Variants in CPLX4 observed in about 807,000 individuals in gnomAD.
CPLX4 encodes complexin-4.
CPLX4 carries 17 observed loss-of-function variants against 16.1 expected under a neutral mutation model. That is an observed-to-expected ratio of 1.06 (90% CI 0.72 to 1.59). The LOEUF is 1.59. Ranked by LOEUF, CPLX4 falls within the 40% of genes most tolerant of loss-of-function variation. The pLI, the probability that CPLX4 is intolerant of heterozygous loss-of-function variation, is 0.00. For missense variants in CPLX4, 193 were observed against 192.9 expected, an observed-to-expected ratio of 1.00 and a Z score of 0.00; for synonymous variants, 55 against 57.8, an observed-to-expected ratio of 0.95 and a Z score of 0.22.
chr18:59,314,635 A>G (rs1312358001), intron 1 of CPLX4, among the ~76,000 whole-genome samples: 2 of 152,180 alleles, frequency 1.3e-5, no homozygotes, highest in Non-Finnish European at 2.9e-5. Flanking sequence ...CTCACCTGGG[A>G]AAATTCCCCC....
At chr18:59,300,872 G>C (rs1283862184) in intron 2 of CPLX4, among the ~76,000 whole-genome samples, 1 of 152,202 alleles carries the variant, frequency 6.6e-6, no homozygotes, top group African/African-American at 2.4e-5. Context: ...TTTCTAACAA[G>C]CCAGGCTTAG....
At chr18:59,307,591 T>G (rs1007651442) in intron 2 of CPLX4, among the ~76,000 whole-genome samples, 6 of 152,040 alleles carry the variant, frequency 3.9e-5, no homozygotes, top group Non-Finnish European at 5.9e-5. Flanking sequence ...TCTCCTCTCC[T>G]TCCCTCCAGT....
Position 59,296,880 on chromosome 18 carries a change from C to G in CPLX4, c.301G>C (p.Asp101His). ...ATTTTCCGGAGATCTTCAGGTAAATCCACATCATCTCCAGCCATCTGGATT... is the reference window on the plus strand; with the variant it reads ...ATTTTCCGGAGATCTTCAGGTAAATGCACATCATCTCCAGCCATCTGGATT... ...NQIQMAGDDVDLPEDLRKMVD... is the reference protein window; with the variant it reads ...NQIQMAGDDVHLPEDLRKMVD... Residue 101 changes from aspartate (D) to histidine (H), a missense_variant, in exon 3 of 3, where the codon GAT becomes CAT. By Grantham distance (81) the Asp-to-His change is moderately conservative. Coordinates refer to ENST00000299721, the MANE Select transcript of CPLX4 (RefSeq NM_181654.4). 6.2e-7 allele frequency: 1 copy of G among 1,613,294 alleles called. No homozygotes were observed. The highest frequency in any genetic ancestry group is 8.5e-7 in the Non-Finnish European group (1 of 1,179,918).
At chr18:59,310,494 G>A (rs1189915207) in intron 2 of CPLX4, among the ~76,000 whole-genome samples, 1 of 152,164 alleles carries the variant, frequency 6.6e-6, no homozygotes, top group African/African-American at 2.4e-5. Flanking sequence ...TTTACCATTA[G>A]TGGAGAAACA....
At chr18:59,312,916 G>C (rs2070627442) in intron 1 of CPLX4, 144 bp from the exon 2 acceptor site, 2 of 514,066 alleles carry the variant, frequency 3.9e-6, no homozygotes, top group Non-Finnish European at 6.9e-6. Flanking sequence ...TTTTTTCCTA[G>C]GTCCCCAAAC....
rs575721114 is a variant in CPLX4, at chr18:59,318,647, G to A, written c.-185C>T. The stretch of plus-strand genomic sequence containing the variant: ...GAGAAGAGTGGTTTGTCGGCCGTAA[G>A]CTGGATTAAAGTGGTGAACTCCTTA... On this transcript the variant is annotated 5_prime_UTR_variant, in exon 1 of 3. Transcript: ENST00000299721. The A allele has an allele frequency of 6.3e-5, 73 of 1,156,962 alleles. No individual in the cohort carries two copies. In the African/African-American group the frequency reaches 7.1e-4, roughly 11 times the overall value. The allele number at this position is 1,156,962 out of a possible 1,614,324, so 71.7% of individuals were successfully genotyped here. A position where few individuals can be genotyped will look rare whatever the true frequency, so the allele number is the denominator to read the frequency against.
In CPLX4 at chr18:59,316,257, G is replaced by GCGCACA. The variant is rs142801615; in HGVS notation, c.167+2038_167+2039insTGTGCG. 4.8e-3 allele frequency among the ~76,000 whole-genome samples: 729 copies of GCGCACA among 151,048 alleles called. 11 individuals carry two copies. Among genetic ancestry groups the GCGCACA allele is most frequent in the African/African-American group, 0.016 (658 of 41,246 alleles). On this transcript the variant is annotated intron_variant, in intron 1 of 2. Coordinates refer to ENST00000299721, the MANE Select transcript of CPLX4 (RefSeq NM_181654.4). Reference sequence around the variant, plus strand: ...TACTAATGTTACCAGTGGTGCGTGCGCACACACACACACACACATTGAACA... The same window carrying GCGCACA: ...TACTAATGTTACCAGTGGTGCGTGCGCGCACACACACACACACACACACATTGAACA...
chr18:59,309,799 G>T (rs1175562238), intron 2 of CPLX4, among the ~76,000 whole-genome samples: 1 of 142,944 alleles, frequency 7.0e-6, no homozygotes, highest in Non-Finnish European at 1.5e-5. Context: ...CTCCAGCCTG[G>T]GTGACAGAGT....
chr18:59,310,947 C>CGTGT (rs56041362), intron 2 of CPLX4, among the ~76,000 whole-genome samples: 10,704 of 143,516 alleles, frequency 0.075, 521 homozygotes, highest in East Asian at 0.16. Context: ...CCCAGCCAAT[C>CGTGT]GTGTGTGTGT....
chr18:59,311,951 C>G (rs915854126), intron 2 of CPLX4, among the ~76,000 whole-genome samples: 6 of 152,184 alleles, frequency 3.9e-5, no homozygotes, highest in African/African-American at 1.4e-4. Context: ...TACATTATTC[C>G]CCAAACCAGC....
chr18:59,303,914 G>A (rs1407441510), intron 2 of CPLX4, among the ~76,000 whole-genome samples: 3 of 152,192 alleles, frequency 2.0e-5, no homozygotes, highest in African/African-American at 4.8e-5. Flanking sequence ...CCTTCCCACC[G>A]CCTGGCCACC....
At position 59,318,298 on chromosome 18, in the gene CPLX4, C is replaced by T. The variant is rs745727054; in HGVS notation, c.165G>A (p.Glu55=). 6.2e-7 allele frequency: 1 copy of T among 1,605,618 alleles called. No homozygotes were observed. Among genetic ancestry groups the T allele is most frequent in the Non-Finnish European group, 8.5e-7 (1 of 1,176,402 alleles). ...YEEYQKQMIE[E]KMERDAAFTQ... Reference sequence around the variant, plus strand: ...GAAATGAAATAGCATGTACTCACTTCTCCTCAATCATTTGCTTTTGATACT... The same window carrying T: ...GAAATGAAATAGCATGTACTCACTTTTCCTCAATCATTTGCTTTTGATACT... The change falls in exon 1 of 3, where the codon GAG becomes GAA. Residue 55 remains glutamate, a splice_region_variant and synonymous_variant. Coordinates refer to ENST00000299721, the MANE Select transcript of CPLX4 (RefSeq NM_181654.4).
At position 59,297,037 on chromosome 18, in the gene CPLX4, G is replaced by A. The variant is rs1256108719; in HGVS notation, c.256-112C>T. ...TCTTTAGAGAATACAGGAAGTGAGTGGCACTCTTGGCCTTGCAGCAGAGCC... is the reference window on the plus strand; with the variant it reads ...TCTTTAGAGAATACAGGAAGTGAGTAGCACTCTTGGCCTTGCAGCAGAGCC... On this transcript the variant is annotated intron_variant, in intron 2 of 2. Coordinates refer to ENST00000299721, the MANE Select transcript of CPLX4 (RefSeq NM_181654.4). 11 of 1,462,490 alleles carry A rather than the reference G, an allele frequency of 7.5e-6. No homozygotes were observed. In the Admixed American group the frequency reaches 2.5e-4, roughly 33 times the overall value. 90.6% of individuals were successfully genotyped at this position (1,462,490 alleles called of 1,614,324 possible).
At chr18:59,308,575 A>G (rs2070594129) in intron 2 of CPLX4, among the ~76,000 whole-genome samples, 1 of 145,612 alleles carries the variant, frequency 6.9e-6, no homozygotes, top group Non-Finnish European at 1.5e-5. Context: ...CACCTCTAGA[A>G]ATTGGTTTCT....
intron 2 of CPLX4, among the ~76,000 whole-genome samples, chr18:59,301,684 A>G (rs1045090231): frequency 5.3e-5 from 8 of 152,240 alleles, no homozygotes; most frequent in African/African-American, 1.7e-4. Context: ...GAACTGGCTA[A>G]GTATTCAAGT....
rs752019452 is a variant in CPLX4, at chr18:59,296,723, G to T, written c.458C>A (p.Ala153Glu). ...QATFTEIKQT[A>E]EQKCSVM ...TCACATCACGGAACACTTCTGCTCC[G>T]CTGTCTGCTTGATTTCAGTGAAGGT... Residue 153 changes from alanine to glutamate, a missense_variant, in exon 3 of 3, where the codon GCG becomes GAG. Coordinates refer to ENST00000299721, the MANE Select transcript of CPLX4 (RefSeq NM_181654.4). The T allele has an allele frequency of 2.1e-6, 3 of 1,459,036 alleles. No individual in the cohort carries two copies. The highest frequency in any genetic ancestry group is 3.0e-5 in the East Asian group (1 of 33,076). 90.4% of individuals were successfully genotyped at this position (1,459,036 alleles called of 1,614,324 possible).
intron 2 of CPLX4, among the ~76,000 whole-genome samples, chr18:59,301,728 C>A (rs1274711907): frequency 3.3e-5 from 5 of 152,238 alleles, no homozygotes; most frequent in African/African-American, 4.8e-5. Flanking sequence ...CCTATCCAAA[C>A]CGTTTTCTGG....
intron 1 of CPLX4, among the ~76,000 whole-genome samples, chr18:59,316,540 C>T (rs1395266484): frequency 3.3e-5 from 5 of 152,124 alleles, no homozygotes; most frequent in Admixed American, 3.3e-4. Context: ...AAAACTCAAA[C>T]AATGGACTGA....
At position 59,296,887 on chromosome 18, in the gene CPLX4, A is replaced by G. The variant is rs780412829; in HGVS notation, c.294T>C (p.Asp98=). The part of the protein sequence containing the change: ...MDENQIQMAG[D]DVDLPEDLRK... ...GGAGATCTTCAGGTAAATCCACATCATCTCCAGCCATCTGGATTTGATTCT... is the reference window on the plus strand; with the variant it reads ...GGAGATCTTCAGGTAAATCCACATCGTCTCCAGCCATCTGGATTTGATTCT... Residue 98 remains aspartate, a synonymous_variant, in exon 3 of 3, where the codon GAT becomes GAC. Transcript: ENST00000299721. 4 of 1,612,136 alleles carry G rather than the reference A, an allele frequency of 2.5e-6. No homozygotes were observed. The highest frequency in any genetic ancestry group is 3.4e-6 in the Non-Finnish European group (4 of 1,179,744).
Sources: gnomAD v4.1 joint callset for allele counts (sites outside exome capture counted in the v4.1 genomes callset) on GRCh38, gnomAD v4.1.1 for gene constraint, MANE v1.5 for transcripts, NCBI Gene and HGNC (gene_info 2026-07-23, HGNC 2026-07-21) for gene names.